PKN2: variants seen among roughly 807,000 people sequenced by gnomAD.
The protein encoded by PKN2 is protein kinase N2.
A neutral mutation model predicts 119.1 loss-of-function variants in PKN2; 38 were observed. The ratio of observed to expected loss-of-function variants is 0.32; its 90% CI spans 0.25 to 0.42. The LOEUF (loss-of-function observed/expected upper bound fraction) is 0.42, where lower values mean the gene tolerates loss of function less well. PKN2 is among the 10% of genes least tolerant of loss of function. The probability of loss-of-function intolerance (pLI) is 1.00; values close to 1 mark genes in which losing one functional copy is unlikely to be tolerated. For synonymous variants in PKN2, 390 were observed against 384.9 expected (o/e 1.01, Z -0.15); for missense variants, 850 against 1,165.1 (o/e 0.73, Z 3.94).
intron 19 of PKN2, among the ~76,000 whole-genome samples, chr1:88,831,370 C>T (rs959910520): frequency 2.6e-5 from 4 of 151,290 alleles, no homozygotes; most frequent in African/African-American, 4.9e-5. Context: ...TTGTATTATC[C>T]ATTGAAATTC....
chr1:88,700,896 A>G (rs1666744754), intron 1 of PKN2, among the ~76,000 whole-genome samples: 1 of 152,148 alleles, frequency 6.6e-6, no homozygotes, highest in South Asian at 2.1e-4. Context: ...TTAATTTGTT[A>G]CTTAAATTTT....
chr1:88,760,407 G>A (rs767989481), intron 3 of PKN2, 31 bp downstream of exon 3: 1 of 1,239,590 alleles, frequency 8.1e-7, no homozygotes, highest in South Asian at 1.4e-5. Context: ...TAACTATATA[G>A]TCAGTCATTA....
intron 17 of PKN2, among the ~76,000 whole-genome samples, chr1:88,824,008 C>CAAAAA (rs3061489): frequency 3.4e-5 from 4 of 117,060 alleles, no homozygotes; most frequent in African/African-American, 6.0e-5. Flanking sequence ...GACTCTGTCT[C>CAAAAA]AAAAAAAAAA....
intron 16 of PKN2, chr1:88,815,469 C>A: frequency 3.0e-6 from 1 of 335,010 alleles, no homozygotes; most frequent in South Asian, 2.4e-5. Context: ...ATGAAATCAT[C>A]TGATTTATTT....
chr1:88,781,124 A>T (rs1557606623), intron 6 of PKN2: 1 of 1,269,852 alleles, frequency 7.9e-7, no homozygotes, highest in Admixed American at 2.5e-5. Context: ...ACATTAATAG[A>T]AGACTACACA....
intron 1 of PKN2, among the ~76,000 whole-genome samples, chr1:88,729,755 A>G (rs1668057659): frequency 6.6e-6 from 1 of 152,166 alleles, no homozygotes; most frequent in South Asian, 2.1e-4. Flanking sequence ...GCAAAGAGGC[A>G]GGATTCACTT....
chr1:88,829,260 C>T, intron 19 of PKN2: 1 of 678,564 alleles, frequency 1.5e-6, no homozygotes, highest in East Asian at 2.7e-5. Flanking sequence ...GGTCAATTTG[C>T]TGAGAATGAA....
intron 1 of PKN2, among the ~76,000 whole-genome samples, chr1:88,699,269 G>C (rs540815279): frequency 1.3e-5 from 2 of 151,418 alleles, no homozygotes; most frequent in African/African-American, 4.9e-5. Context: ...TTTTTCTTTC[G>C]GCTCACTAAC....
chr1:88,815,135 G>A (rs1490019170), intron 16 of PKN2, among the ~76,000 whole-genome samples: 2 of 152,098 alleles, frequency 1.3e-5, no homozygotes, highest in African/African-American at 4.8e-5. Context: ...GCTGCCATGG[G>A]AATTTGTTTG....
chr1:88,827,767 T>G (rs181032203), intron 18 of PKN2, among the ~76,000 whole-genome samples: 4 of 151,958 alleles, frequency 2.6e-5, no homozygotes, highest in Admixed American at 6.6e-5. Context: ...TCACCCAGGC[T>G]GGAGTGCAAT....
intron 16 of PKN2, among the ~76,000 whole-genome samples, chr1:88,819,636 T>C (rs1425939771): frequency 1.3e-5 from 2 of 152,180 alleles, no homozygotes; most frequent in African/African-American, 2.4e-5. Flanking sequence ...ACTAGAAATA[T>C]TATTTGACCC....
intron 1 of PKN2, among the ~76,000 whole-genome samples, chr1:88,709,472 A>T (rs1163515516): frequency 1.3e-5 from 2 of 152,204 alleles, no homozygotes; most frequent in African/African-American, 4.8e-5. Context: ...GGGCGAGAGG[A>T]TCACACGTTG....
At chr1:88,728,750 C>T (rs1570542381) in intron 1 of PKN2, among the ~76,000 whole-genome samples, 2 of 152,022 alleles carry the variant, frequency 1.3e-5, no homozygotes, top group Admixed American at 6.6e-5. Flanking sequence ...AGATAATCAA[C>T]GGGAGGAGGC....
At position 88,684,585 on chromosome 1, in the gene PKN2, C is replaced by T; in HGVS notation, c.5C>T (p.Ala2Val). Residue 2 changes from alanine (A) to valine (V), a missense_variant, in exon 1 of 22, where the codon GCG becomes GTG. This residue lies in a region of PKN2 where 73 missense variants were observed against 61.2 expected (regional missense o/e 1.19). Transcript: ENST00000370521. M[A>V]SNPERGEILL... The stretch of plus-strand genomic sequence containing the variant: ...CGGAGTCCATACCGGAGCGCAATGG[C>T]GTCCAACCCCGAACGGGGGGAGATT... 5 of 1,557,240 alleles carry T rather than the reference C, an allele frequency of 3.2e-6. No individual in the cohort carries two copies. The highest frequency in any genetic ancestry group is 4.3e-6 in the Non-Finnish European group (5 of 1,151,736).
chr1:88,814,595 T>A (rs1671910647), intron 16 of PKN2, among the ~76,000 whole-genome samples: 1 of 152,150 alleles, frequency 6.6e-6, no homozygotes, highest in Non-Finnish European at 1.5e-5. Context: ...CTGAACTGAT[T>A]TTTTCCATTT....
chr1:88,753,175 A>C (rs996999136), intron 2 of PKN2, among the ~76,000 whole-genome samples: 2 of 152,176 alleles, frequency 1.3e-5, no homozygotes, highest in Non-Finnish European at 2.9e-5. Context: ...GCTGGTGCAA[A>C]AGTAATTGCA....
chr1:88,808,303 GTTTA>G (rs1671641632), intron 15 of PKN2, among the ~76,000 whole-genome samples: 1 of 151,200 alleles, frequency 6.6e-6, no homozygotes, highest in African/African-American at 2.4e-5. Flanking sequence ...TTTATTTTTT[GTTTA>G]TTTATTTATT....
chr1:88,775,023 T>G (rs770796787), intron 6 of PKN2, among the ~76,000 whole-genome samples: 1 of 152,212 alleles, frequency 6.6e-6, no homozygotes, highest in Non-Finnish European at 1.5e-5. Flanking sequence ...TTCTTACTTT[T>G]CTTATTCCCT....
intron 1 of PKN2, among the ~76,000 whole-genome samples, chr1:88,695,658 C>T (rs1179404016): frequency 6.6e-6 from 1 of 152,096 alleles, no homozygotes; most frequent in Non-Finnish European, 1.5e-5. Flanking sequence ...TCTTTACTTT[C>T]AGATTTCTTG....
Sources: gnomAD v4.1 joint callset for allele counts (sites outside exome capture counted in the v4.1 genomes callset) on GRCh38, gnomAD v4.1.1 for gene constraint, gnomAD v4.1.1 regional missense constraint, MANE v1.5 for transcripts, NCBI Gene and HGNC (gene_info 2026-07-23, HGNC 2026-07-21) for gene names.